The following CCDC141 variants were observed in gnomAD, a reference collection of about 807,000 sequenced individuals.
CCDC141 encodes coiled-coil domain containing 141, also known as coiled-coil domain-containing protein 141.
In CCDC141, 168 loss-of-function variants were observed where a neutral mutation model predicts 181.0. That is an observed-to-expected ratio of 0.93 (90% CI 0.82 to 1.05). The LOEUF is 1.05. CCDC141 is among the 50% of genes least tolerant of loss of function. The probability of loss-of-function intolerance (pLI) is 0.00; values close to 1 mark genes in which losing one functional copy is unlikely to be tolerated. For synonymous variants in CCDC141, 666 were observed against 642.3 expected, an observed-to-expected ratio of 1.04 and a Z score of -0.56; for missense variants, 1,902 against 1,788.5, an observed-to-expected ratio of 1.06 and a Z score of -1.14.
intron 8 of CCDC141, among the ~76,000 whole-genome samples, chr2:178,902,099 TAA>T (rs974931413): frequency 6.6e-6 from 1 of 152,050 alleles, no homozygotes; most frequent in Non-Finnish European, 1.5e-5. Context: ...CTCAATGAAA[TAA>T]AAGAGTATAC....
downstream of CCDC141, among the ~76,000 whole-genome samples, chr2:178,827,779 C>T (rs563896966): frequency 1.8e-4 from 28 of 152,222 alleles, 1 homozygote; most frequent in Middle Eastern, 3.4e-3. Context: ...ATTGTAGTAG[C>T]TTCCTAGGGC....
intron 2 of CCDC141, chr2:179,002,323 A>T: frequency 3.6e-6 from 1 of 278,744 alleles, no homozygotes; most frequent in South Asian, 3.6e-5. Context: ...AGAACTGGAG[A>T]AAGAAAGTGT....
Position 179,044,775 on chromosome 2 carries a change from T to C in CCDC141, c.225+2509A>G, listed in dbSNP as rs370016201. ...TGAGAACGCAAACTTCTGGGAATGGTCAGAAACTTCAAGTAAGTATTACGT... is the reference window on the plus strand; with the variant it reads ...TGAGAACGCAAACTTCTGGGAATGGCCAGAAACTTCAAGTAAGTATTACGT... On this transcript the variant is annotated intron_variant, in intron 2 of 23. Coordinates refer to ENST00000443758, the MANE Select transcript of CCDC141 (RefSeq NM_173648.4). 5.3e-5 allele frequency among the ~76,000 whole-genome samples: 8 copies of C among 152,280 alleles called. No homozygotes were observed. In the East Asian group the frequency reaches 1.5e-3, roughly 29 times the overall value.
intron 6 of CCDC141, among the ~76,000 whole-genome samples, chr2:178,931,377 T>C (rs1689089737): frequency 6.6e-6 from 1 of 152,274 alleles, no homozygotes; most frequent in East Asian, 1.9e-4. Flanking sequence ...TACATGAATG[T>C]TCATAGCAGC....
At chr2:178,993,083 T>A (rs1395436960) in intron 2 of CCDC141, among the ~76,000 whole-genome samples, 1 of 152,128 alleles carries the variant, frequency 6.6e-6, no homozygotes, top group Non-Finnish European at 1.5e-5. Flanking sequence ...ACTAATAAAC[T>A]CCTTCAGCCT....
Position 179,049,987 on chromosome 2 carries a change from TTG to T in CCDC141, c.-48_-47del, listed in dbSNP as rs2043628039. On this transcript the variant is annotated 5_prime_UTR_variant, in exon 1 of 24. An upstream open reading frame in the 5' UTR loses its in-frame stop. Coordinates refer to ENST00000443758, the MANE Select transcript of CCDC141 (RefSeq NM_173648.4). ...TATACTTTGGGCAGCCTCTGGACAG[TTG>T]TGTGTCTGCTGGTCATTTCAGAAGG... 3.9e-6 allele frequency: 6 copies of T among 1,549,364 alleles called. No individual in the cohort carries two copies. In the African/African-American group the frequency reaches 5.5e-5, roughly 14 times the overall value.
intron 2 of CCDC141, among the ~76,000 whole-genome samples, chr2:178,994,772 T>C (rs1476163280): frequency 6.6e-6 from 1 of 152,212 alleles, no homozygotes; most frequent in East Asian, 1.9e-4. Context: ...TTGAATGCTT[T>C]GCTGCTTAAA....
At chr2:178,963,259 C>T (rs577489341) in intron 4 of CCDC141, among the ~76,000 whole-genome samples, 8 of 152,140 alleles carry the variant, frequency 5.3e-5, no homozygotes, top group Non-Finnish European at 1.2e-4. Context: ...AGCCAAGTTA[C>T]CAGGTTGAGG....
At position 178,886,872 on chromosome 2, in the gene CCDC141, C is replaced by T. The variant is rs991013215; in HGVS notation, c.1408-1G>A. ...TGATTTTCTGAATTGACATTTCCAC[C>T]TTTAGGAGTGAATAATATATGGCAG... On this transcript the variant is annotated splice_acceptor_variant, in intron 9 of 23. Transcript: ENST00000443758. LOFTEE classifies it high-confidence loss of function. 18 of 1,401,850 alleles carry T rather than the reference C, an allele frequency of 1.3e-5. No homozygotes were observed. Among genetic ancestry groups the T allele is most frequent in the Non-Finnish European group, 1.6e-5 (17 of 1,077,556 alleles). The allele number at this position is 1,401,850 out of a possible 1,614,324, so 86.8% of individuals were successfully genotyped here. A position where few individuals can be genotyped will look rare whatever the true frequency, so the allele number is the denominator to read the frequency against.
chr2:178,950,381 T>C (rs751807428), intron 5 of CCDC141, among the ~76,000 whole-genome samples: 9 of 152,212 alleles, frequency 5.9e-5, no homozygotes, highest in Non-Finnish European at 1.0e-4. Context: ...CTTTATTTTG[T>C]ATTAGACAAT....
In CCDC141 at chr2:178,944,631, T is replaced by C; in HGVS notation, c.801A>G (p.Lys267=). The C allele has an allele frequency of 6.6e-7, 1 of 1,520,758 alleles. No individual in the cohort carries two copies. Among genetic ancestry groups the C allele is most frequent in the Non-Finnish European group, 8.8e-7 (1 of 1,130,898 alleles). 94.2% of individuals were successfully genotyped at this position (1,520,758 alleles called of 1,614,324 possible). ...TTTGTTCCTGTAAATTTCTTATAGT[T>C]TTCTGAAACCAACAAGTAACCTAGG... The part of the protein sequence containing the change: ...QENQVTCWFQ[K]TIRNLQEQSL... The change falls in exon 6 of 24, where the codon AAA becomes AAG. Residue 267 remains lysine, a synonymous_variant. Coordinates refer to ENST00000443758, the MANE Select transcript of CCDC141 (RefSeq NM_173648.4).
rs377323404 is a variant in CCDC141 at position 179,040,492 on chromosome 2, C to T, written c.225+6792G>A. Among the ~76,000 whole-genome samples the T allele has an allele frequency of 1.0e-3, 153 of 152,302 alleles. 2 individuals carry two copies. The highest frequency in any genetic ancestry group is 6.8e-3 in the Middle Eastern group (2 of 294). ...TCATCCCATCACCCAAGTATTAACC[C>T]TAGTATCCATTAGGTATTCTTCCTG... is the stretch of plus-strand genomic sequence containing the variant. On this transcript the variant is annotated intron_variant, in intron 2 of 23. Transcript: ENST00000443758.
chr2:179,015,103 T>TCATATCATATATATC (rs1559048752), intron 2 of CCDC141, among the ~76,000 whole-genome samples: 1 of 28,212 alleles, frequency 3.5e-5, no homozygotes, highest in Non-Finnish European at 9.5e-5. Context: ...TATATATATA[T>TCATATCATATATATC]AATATATATA....
intron 2 of CCDC141, among the ~76,000 whole-genome samples, chr2:178,996,950 A>T (rs1348942857): frequency 6.6e-6 from 1 of 152,236 alleles, no homozygotes; most frequent in Non-Finnish European, 1.5e-5. Context: ...AATGCTTCCC[A>T]AGACCTATCA....
intron 2 of CCDC141, among the ~76,000 whole-genome samples, chr2:178,981,636 GTATATATATATA>G (rs1193430874): frequency 1.6e-5 from 1 of 62,404 alleles, no homozygotes; most frequent in African/African-American, 5.5e-5. Flanking sequence ...GTGTGTGTGT[GTATATATATATA>G]TATATATATA....
chr2:178,993,664 T>C (rs898837317), intron 2 of CCDC141, among the ~76,000 whole-genome samples: 3 of 152,138 alleles, frequency 2.0e-5, no homozygotes, highest in Non-Finnish European at 2.9e-5. Flanking sequence ...CCCAAAGTCT[T>C]AACTCATTTC....
chr2:178,904,150 C>T (rs1045941060), intron 8 of CCDC141, among the ~76,000 whole-genome samples: 2 of 152,142 alleles, frequency 1.3e-5, no homozygotes, highest in South Asian at 4.1e-4. Context: ...CTAGTGGACA[C>T]CCCTATTACC....
At chr2:179,009,541 T>A (rs2042208112) in intron 2 of CCDC141, among the ~76,000 whole-genome samples, 1 of 151,928 alleles carries the variant, frequency 6.6e-6, no homozygotes, top group Non-Finnish European at 1.5e-5. Flanking sequence ...CTCTTCTGAG[T>A]CTAGCCACCT....
At chr2:178,969,584 C>T (rs975442932) in intron 4 of CCDC141, among the ~76,000 whole-genome samples, 2 of 152,132 alleles carry the variant, frequency 1.3e-5, no homozygotes. Context: ...CCTCTTCATG[C>T]TAAAAACCCT....
Sources: allele counts gnomAD v4.1 joint callset (sites outside exome capture counted in the v4.1 genomes callset), GRCh38; gene constraint gnomAD v4.1.1; transcripts MANE v1.5; gene names NCBI Gene and HGNC (gene_info 2026-07-23, HGNC 2026-07-21).